The following SYNGR4 variants were observed in gnomAD, a reference collection of about 807,000 sequenced individuals.
SYNGR4 encodes synaptogyrin 4, also known as synaptogyrin-4.
A neutral mutation model predicts 15.5 loss-of-function variants in SYNGR4; 15 were observed. The ratio of observed to expected loss-of-function variants is 0.97; its 90% confidence interval spans 0.65 to 1.49. The LOEUF (loss-of-function observed/expected upper bound fraction) is 1.49. Among genes scored for constraint, SYNGR4 ranks in the 40% most tolerant of loss-of-function variants. SYNGR4 has a pLI of 0.00. For missense variants in SYNGR4, 292 were observed against 299.3 expected, an observed-to-expected ratio of 0.98 and a Z score of 0.18; for synonymous variants, 121 against 127.4, an observed-to-expected ratio of 0.95 and a Z score of 0.34.
intron 2 of SYNGR4, among the ~76,000 whole-genome samples, chr19:48,372,466 A>C (rs1490198719): frequency 2.6e-5 from 4 of 151,750 alleles, no homozygotes; most frequent in African/African-American, 9.7e-5. Flanking sequence ...TGGCATGGTG[A>C]AACCCCGTCT....
At chr19:48,366,004 C>A in intron 2 of SYNGR4, 69 bp downstream of exon 2, 1 of 1,512,548 alleles carries the variant, frequency 6.6e-7, no homozygotes. Context: ...CTCCCAGACA[C>A]AGTGCGGGAG....
intron 4 of SYNGR4, 41 bp downstream of exon 4, chr19:48,375,793 C>T: frequency 4.4e-6 from 7 of 1,595,906 alleles, no homozygotes; most frequent in Non-Finnish European, 6.0e-6. Flanking sequence ...TAGGAGGGCA[C>T]CCTCTGCAGG....
Position 48,365,955 on chromosome 19 carries a change from C to T in SYNGR4, c.93+20C>T, listed in dbSNP as rs369356480. 35 of 1,611,638 alleles carry T rather than the reference C, an allele frequency of 2.2e-5. No individual in the cohort carries two copies. The highest frequency in any genetic ancestry group is 8.0e-5 in the African/African-American group (6 of 74,902). ...GAAGGGGTGAGGCCCTCCCATGGCCCGACTGTGCCCCTGGGTGACAGGAGC... is the reference window on the plus strand; with the variant it reads ...GAAGGGGTGAGGCCCTCCCATGGCCTGACTGTGCCCCTGGGTGACAGGAGC... On this transcript the variant is annotated intron_variant, in intron 2 of 4. Transcript: ENST00000344846.
chr19:48,367,085 C>T (rs1970234468), intron 2 of SYNGR4, among the ~76,000 whole-genome samples: 1 of 149,156 alleles, frequency 6.7e-6, no homozygotes. Flanking sequence ...GCCCATGTGG[C>T]GGAGGTTGCA....
Position 48,376,295 on chromosome 19 carries a change from C to G in SYNGR4, c.682C>G (p.Leu228Val). 6.2e-7 allele frequency: 1 copy of G among 1,613,108 alleles called. No homozygotes were observed. The highest frequency in any genetic ancestry group is 8.5e-7 in the Non-Finnish European group (1 of 1,179,726). ...TCTGACCGCTCCAAAGTCCCCCCGGCTTGCTATGATGCCTGACAACTAAAT... is the reference window on the plus strand; with the variant it reads ...TCTGACCGCTCCAAAGTCCCCCCGGGTTGCTATGATGCCTGACAACTAAAT... ...PCLTAPKSPR[L>V]AMMPDN The change falls in exon 5 of 5, where the codon CTT becomes GTT. Residue 228 changes from leucine (L) to valine (V), a missense_variant. Leu to Val is a conservative substitution (Grantham distance 32). Coordinates refer to ENST00000344846, the MANE Select transcript of SYNGR4 (RefSeq NM_012451.4).
Position 48,365,763 on chromosome 19 carries a change from C to T in SYNGR4, c.-80C>T. ...GCCAAGCCCAGGGCTGGCCTGAAGC[C>T]CCCGGACGGCAGTGCCCAGCAGGCA... On this transcript the variant is annotated 5_prime_UTR_variant, in exon 2 of 5. Coordinates refer to ENST00000344846, the MANE Select transcript of SYNGR4 (RefSeq NM_012451.4). 1 of 1,495,176 alleles carries T rather than the reference C, an allele frequency of 6.7e-7. No individual in the cohort carries two copies. Among genetic ancestry groups the T allele is most frequent in the Non-Finnish European group, 9.3e-7 (1 of 1,080,318 alleles). 92.6% of individuals were successfully genotyped at this position (1,495,176 alleles called of 1,614,324 possible).
intron 2 of SYNGR4, among the ~76,000 whole-genome samples, chr19:48,366,430 C>T (rs557574193): frequency 2.6e-5 from 4 of 151,842 alleles, no homozygotes; most frequent in African/African-American, 4.8e-5. Context: ...GAAACAGTTT[C>T]GCTCTGTTGC....
At chr19:48,370,810 A>C (rs1970292783) in intron 2 of SYNGR4, among the ~76,000 whole-genome samples, 2 of 152,066 alleles carry the variant, frequency 1.3e-5, no homozygotes, top group Non-Finnish European at 2.9e-5. Context: ...CTTCCAATCA[A>C]TCACCAAGTC....
intron 2 of SYNGR4, among the ~76,000 whole-genome samples, chr19:48,371,630 T>C (rs1309549646): frequency 6.7e-6 from 1 of 148,994 alleles, no homozygotes; most frequent in East Asian, 2.0e-4. Context: ...CAGCCTGGAG[T>C]GCAGTGGCAC....
At chr19:48,373,894 AC>A in intron 3 of SYNGR4, 140 bp downstream of exon 3, 1 of 799,970 alleles carries the variant, frequency 1.3e-6, no homozygotes, top group Non-Finnish European at 2.0e-6. Context: ...GAGGCATCTG[AC>A]CACAAGTGGC....
chr19:48,366,298 G>A (rs573079034), intron 2 of SYNGR4, among the ~76,000 whole-genome samples: 76 of 151,324 alleles, frequency 5.0e-4, no homozygotes, highest in African/African-American at 1.6e-3. Flanking sequence ...GCTGAGGCAG[G>A]AGAATCACTC....
In SYNGR4 at chr19:48,376,312, C is replaced by A. The variant is rs757962012; in HGVS notation, c.699C>A (p.Asp233Glu). 1.9e-6 allele frequency: 3 copies of A among 1,612,718 alleles called. No homozygotes were observed. Among genetic ancestry groups the A allele is most frequent in the Non-Finnish European group, 2.5e-6 (3 of 1,179,630 alleles). ...CCCCCCGGCTTGCTATGATGCCTGA[C>A]AACTAAATATCCTTATCCAAATCAA... ...PKSPRLAMMPDN is the reference protein window; with the variant it reads ...PKSPRLAMMPEN The change falls in exon 5 of 5, where the codon GAC becomes GAA. Residue 233 changes from aspartate to glutamate, a missense_variant. By Grantham distance (45) the Asp-to-Glu change is conservative (BLOSUM62 2). Transcript: ENST00000344846.
At chr19:48,372,489 C>CAA (rs879872610) in intron 2 of SYNGR4, among the ~76,000 whole-genome samples, 1,970 of 140,836 alleles carry the variant, frequency 0.014, 36 homozygotes, top group African/African-American at 0.048. Flanking sequence ...ACTAAAAATA[C>CAA]AAAAAAAAAA....
At position 48,373,595 on chromosome 19, in the gene SYNGR4, A is replaced by C; in HGVS notation, c.172A>C (p.Ile58Leu). The C allele has an allele frequency of 6.2e-7, 1 of 1,613,870 alleles. No individual in the cohort carries two copies. The change falls in exon 3 of 5, where the codon ATT becomes CTT. Residue 58 changes from isoleucine to leucine, a missense_variant. Physicochemically the swap from Ile to Leu is conservative, Grantham distance 5. Transcript: ENST00000344846. ...NKMESPQLHCILNSNSVACSF... is the reference protein window; with the variant it reads ...NKMESPQLHCLLNSNSVACSF... ...GATGGAGTCTCCGCAGCTCCACTGC[A>C]TTCTCAACAGCAACAGCGTGGCCTG... is the stretch of plus-strand genomic sequence containing the variant.
intron 2 of SYNGR4, among the ~76,000 whole-genome samples, chr19:48,366,339 G>A (rs1970220910): frequency 6.7e-6 from 1 of 149,534 alleles, no homozygotes; most frequent in Non-Finnish European, 1.5e-5. Flanking sequence ...GCAGTGAGTG[G>A]AGATCATACC....
chr19:48,370,243 T>C (rs1264889314), intron 2 of SYNGR4, among the ~76,000 whole-genome samples: 1 of 152,112 alleles, frequency 6.6e-6, no homozygotes, highest in Admixed American at 6.6e-5. Context: ...CCCAACACTT[T>C]GGGAGGCCAA....
At chr19:48,374,697 C>T (rs1400557508) in intron 3 of SYNGR4, among the ~76,000 whole-genome samples, 4 of 152,060 alleles carry the variant, frequency 2.6e-5, no homozygotes, top group East Asian at 1.9e-4. Context: ...AGCTGCTGGC[C>T]GGGGACGGTG....
chr19:48,369,979 CAG>C (rs1970280005), intron 2 of SYNGR4, among the ~76,000 whole-genome samples: 1 of 152,284 alleles, frequency 6.6e-6, no homozygotes, highest in East Asian at 1.9e-4. Flanking sequence ...TAGGCAAAAA[CAG>C]GGAGTCAGGG....
chr19:48,375,489 G>A, intron 3 of SYNGR4, 124 bp from the exon 4 acceptor site: 3 of 1,276,766 alleles, frequency 2.3e-6, no homozygotes, highest in Non-Finnish European at 3.3e-6. Flanking sequence ...AATAAAAAAA[G>A]TATTTTTCAA....
Sources: allele counts gnomAD v4.1 joint callset (sites outside exome capture counted in the v4.1 genomes callset), GRCh38; gene constraint gnomAD v4.1.1; transcripts MANE v1.5; gene names NCBI Gene and HGNC (gene_info 2026-07-23, HGNC 2026-07-21).